Variants in SORCS1 observed in about 807,000 individuals in gnomAD.
The protein encoded by SORCS1 is sortilin related VPS10 domain containing receptor 1.
Under a neutral mutation model 146.1 loss-of-function variants are expected in SORCS1, and 60 were observed. The observed-to-expected ratio is 0.41, with a 90% CI of 0.33 to 0.51. The LOEUF is 0.51. Ranked by LOEUF, SORCS1 falls within the 20% of genes least tolerant of loss-of-function variation. SORCS1 has a pLI of 0.21. For synonymous variants in SORCS1, 637 were observed against 584.0 expected, an observed-to-expected ratio of 1.09 and a Z score of -1.31; for missense variants, 1,352 against 1,487.6, an observed-to-expected ratio of 0.91 and a Z score of 1.50.
At chr10:106,842,733 C>T (rs1949105708) in intron 2 of SORCS1, among the ~76,000 whole-genome samples, 1 of 152,094 alleles carries the variant, frequency 6.6e-6, no homozygotes. Context: ...TCTGCCTCTG[C>T]TTCCTGAGTA....
At chr10:107,095,309 T>C (rs1336444704) in intron 1 of SORCS1, among the ~76,000 whole-genome samples, 2 of 151,746 alleles carry the variant, frequency 1.3e-5, no homozygotes, top group African/African-American at 4.8e-5. Flanking sequence ...AGACACAGAG[T>C]CAATATGAAA....
At chr10:106,745,394 G>A (rs1461691062) in intron 5 of SORCS1, among the ~76,000 whole-genome samples, 1 of 149,796 alleles carries the variant, frequency 6.7e-6, no homozygotes, top group Non-Finnish European at 1.5e-5. Context: ...CTGGGCGACA[G>A]AGTGAGACAA....
At chr10:106,965,631 A>C (rs144035318) in intron 1 of SORCS1, among the ~76,000 whole-genome samples, 13 of 152,306 alleles carry the variant, frequency 8.5e-5, no homozygotes, top group African/African-American at 3.1e-4. Flanking sequence ...AGAGAAGCTA[A>C]GTAAGTTAAA....
chr10:107,138,064 A>T (rs1263671296), intron 1 of SORCS1, among the ~76,000 whole-genome samples: 1 of 152,198 alleles, frequency 6.6e-6, no homozygotes, highest in African/African-American at 2.4e-5. Flanking sequence ...TTATCACAAT[A>T]ATCACAGCCA....
intron 24 of SORCS1, among the ~76,000 whole-genome samples, chr10:106,588,142 G>T (rs1466099682): frequency 1.3e-5 from 2 of 152,136 alleles, no homozygotes; most frequent in African/African-American, 4.8e-5. Context: ...TAAGATTCCA[G>T]TTCACACTTT....
intron 2 of SORCS1, among the ~76,000 whole-genome samples, chr10:106,916,080 T>C (rs932210814): frequency 6.6e-6 from 1 of 152,238 alleles, no homozygotes; most frequent in African/African-American, 2.4e-5. Context: ...AAATCTTCCC[T>C]GTCACTCTTG....
chr10:106,968,771 C>G (rs1250221032), intron 1 of SORCS1, among the ~76,000 whole-genome samples: 1 of 152,062 alleles, frequency 6.6e-6, no homozygotes, highest in Non-Finnish European at 1.5e-5. Flanking sequence ...TCATTATCTC[C>G]TCTCATTTAC....
chr10:106,934,902 G>C (rs1953631614), intron 2 of SORCS1, among the ~76,000 whole-genome samples: 1 of 152,068 alleles, frequency 6.6e-6, no homozygotes. Context: ...ATGGACACTG[G>C]AAACTCAGAA....
At chr10:107,014,561 TTA>T (rs1314530670) in intron 1 of SORCS1, among the ~76,000 whole-genome samples, 1 of 151,466 alleles carries the variant, frequency 6.6e-6, no homozygotes, top group Non-Finnish European at 1.5e-5. Context: ...TTGCTTTCTG[TTA>T]TGTTATAGCA....
At chr10:106,977,488 A>G (rs569887697) in intron 1 of SORCS1, among the ~76,000 whole-genome samples, 3 of 152,172 alleles carry the variant, frequency 2.0e-5, no homozygotes, top group African/African-American at 7.2e-5. Flanking sequence ...TTGTCTGTTC[A>G]TCAGTGAACA....
intron 1 of SORCS1, among the ~76,000 whole-genome samples, chr10:107,044,418 C>T (rs917944191): frequency 4.0e-5 from 6 of 149,794 alleles, no homozygotes; most frequent in African/African-American, 1.5e-4. Context: ...AAGAAATGTG[C>T]CCTGATTTTA....
chr10:106,987,403 A>G (rs996861257), intron 1 of SORCS1, among the ~76,000 whole-genome samples: 10 of 152,202 alleles, frequency 6.6e-5, no homozygotes, highest in African/African-American at 2.2e-4. Flanking sequence ...CTTAGAATTC[A>G]GGAATCAGCA....
intron 1 of SORCS1, among the ~76,000 whole-genome samples, chr10:107,052,760 A>G (rs1174059010): frequency 1.3e-5 from 2 of 152,266 alleles, no homozygotes; most frequent in East Asian, 3.9e-4. Flanking sequence ...CTTCTGTTCT[A>G]TAATGGGAAT....
intron 1 of SORCS1, among the ~76,000 whole-genome samples, chr10:107,084,254 C>G (rs1963587733): frequency 6.7e-6 from 1 of 149,502 alleles, no homozygotes; most frequent in Admixed American, 6.6e-5. Flanking sequence ...CACCACCATA[C>G]CCGGCTAATT....
At chr10:106,607,134 G>A in intron 23 of SORCS1, 32 bp downstream of exon 23, 1 of 1,610,950 alleles carries the variant, frequency 6.2e-7, no homozygotes, top group South Asian at 1.1e-5. Flanking sequence ...AACGGTTGAA[G>A]CTGAAAACGT....
At chr10:106,815,157 C>T (rs1947673880) in intron 3 of SORCS1, among the ~76,000 whole-genome samples, 1 of 151,906 alleles carries the variant, frequency 6.6e-6, no homozygotes, top group African/African-American at 2.4e-5. Flanking sequence ...TGGGGTTTCT[C>T]CATGTTGGTC....
At position 106,673,899 on chromosome 10, in the gene SORCS1, A is replaced by C. The variant is rs1395640836; in HGVS notation, c.1941-914T>G. ...GGTCAGTTTTTTAAAATCTGTTTTG[A>C]AAATATAAAAATTGAAGAAAGACAA... On this transcript the variant is annotated intron_variant, in intron 14 of 25. Coordinates refer to ENST00000263054, the MANE Select transcript of SORCS1 (RefSeq NM_052918.5). Among the ~76,000 whole-genome samples, 3 of 152,320 alleles carry C rather than the reference A, an allele frequency of 2.0e-5. No homozygotes were observed. In the East Asian group the frequency reaches 5.8e-4, roughly 29 times the overall value.
chr10:107,085,592 A>G (rs1963693930), intron 1 of SORCS1, among the ~76,000 whole-genome samples: 2 of 152,212 alleles, frequency 1.3e-5, no homozygotes, highest in Admixed American at 6.5e-5. Flanking sequence ...CTGAAGACAT[A>G]TGGGATAAAA....
intron 10 of SORCS1, among the ~76,000 whole-genome samples, chr10:106,682,037 A>C (rs1486435490): frequency 6.6e-6 from 1 of 152,212 alleles, no homozygotes; most frequent in Non-Finnish European, 1.5e-5. Context: ...CTGAGGCAGG[A>C]GAATCACTCA....
Sources: allele counts gnomAD v4.1 joint callset (sites outside exome capture counted in the v4.1 genomes callset), GRCh38; gene constraint gnomAD v4.1.1; transcripts MANE v1.5; gene names NCBI Gene and HGNC (gene_info 2026-07-23, HGNC 2026-07-21).